SLC2A13: variants seen among roughly 807,000 people sequenced by gnomAD.
SLC2A13 encodes the protein solute carrier family 2 member 13.
SLC2A13 carries 32 observed loss-of-function variants against 64.4 expected under a neutral mutation model. The observed-to-expected ratio is 0.50, with a 90% CI of 0.37 to 0.67. The LOEUF is 0.67. Ranked by LOEUF, SLC2A13 falls within the 30% of genes least tolerant of loss-of-function variation. The pLI is 0.00. For synonymous variants in SLC2A13, 338 were observed against 327.1 expected (o/e 1.03, Z -0.36); for missense variants, 743 against 829.2 (o/e 0.90, Z 1.28).
chr12:39,959,530 G>C (rs1044884476), intron 3 of SLC2A13, among the ~76,000 whole-genome samples: 3 of 152,162 alleles, frequency 2.0e-5, no homozygotes, highest in Non-Finnish European at 4.4e-5. Context: ...GATGATTATA[G>C]GTCTTAATAC....
At chr12:39,841,170 T>C (rs1273129475) in intron 6 of SLC2A13, among the ~76,000 whole-genome samples, 2 of 152,154 alleles carry the variant, frequency 1.3e-5, no homozygotes, top group Non-Finnish European at 2.9e-5. Flanking sequence ...TGAGGTCTAC[T>C]GTTTAAAAGC....
intron 4 of SLC2A13, 91 bp downstream of exon 4, chr12:39,951,166 G>C (rs1488259614): frequency 3.6e-6 from 4 of 1,102,266 alleles, no homozygotes; most frequent in East Asian, 2.5e-5. Context: ...AAATCACTGA[G>C]TCTAGTATTT....
At chr12:39,786,854 G>A (rs2135753998) in intron 7 of SLC2A13, among the ~76,000 whole-genome samples, 1 of 152,278 alleles carries the variant, frequency 6.6e-6, no homozygotes, top group East Asian at 1.9e-4. Context: ...ATGGAATTGA[G>A]ATTTTAGTAA....
At chr12:39,951,617 G>C (rs1645954818) in intron 3 of SLC2A13, among the ~76,000 whole-genome samples, 1 of 152,032 alleles carries the variant, frequency 6.6e-6, no homozygotes, top group African/African-American at 2.4e-5. Context: ...GCAATTTATG[G>C]GTACTAGAAG....
intron 6 of SLC2A13, among the ~76,000 whole-genome samples, chr12:39,853,034 A>G (rs994789955): frequency 3.9e-5 from 6 of 152,072 alleles, no homozygotes; most frequent in African/African-American, 7.2e-5. Flanking sequence ...TGTTTCAGTA[A>G]ATCTGTGCTT....
chr12:39,809,429 T>C (rs1198502629), intron 7 of SLC2A13, among the ~76,000 whole-genome samples: 2 of 152,216 alleles, frequency 1.3e-5, no homozygotes, highest in Non-Finnish European at 2.9e-5. Flanking sequence ...TCATTTTTTA[T>C]AGAACTGTTT....
intron 7 of SLC2A13, among the ~76,000 whole-genome samples, chr12:39,804,541 G>A (rs899515675): frequency 2.0e-5 from 3 of 152,018 alleles, no homozygotes; most frequent in Non-Finnish European, 4.4e-5. Flanking sequence ...TGATTTCTTA[G>A]CTTGTAGCTT....
chr12:39,798,426 G>A (rs1438006864), intron 7 of SLC2A13, among the ~76,000 whole-genome samples: 2 of 152,184 alleles, frequency 1.3e-5, no homozygotes, highest in Non-Finnish European at 1.5e-5. Flanking sequence ...ATTAAATGAA[G>A]ATCAATTAAC....
At chr12:40,075,559 AAT>A (rs1369244139) in intron 1 of SLC2A13, among the ~76,000 whole-genome samples, 2 of 152,130 alleles carry the variant, frequency 1.3e-5, no homozygotes, top group African/African-American at 4.8e-5. Context: ...ATTTGATTAT[AAT>A]ATTATCTGGG....
intron 4 of SLC2A13, among the ~76,000 whole-genome samples, chr12:39,905,169 A>C (rs1481159004): frequency 6.6e-6 from 1 of 152,178 alleles, no homozygotes; most frequent in East Asian, 1.9e-4. Flanking sequence ...ACAACTAAGA[A>C]AAATGCTTTG....
At chr12:40,080,166 T>C (rs1299598070) in intron 1 of SLC2A13, among the ~76,000 whole-genome samples, 1 of 148,914 alleles carries the variant, frequency 6.7e-6, no homozygotes, top group Non-Finnish European at 1.5e-5. Flanking sequence ...CTGGGTTCTT[T>C]GTCCTTTTTG....
chr12:39,881,157 G>A (rs1403527414), intron 4 of SLC2A13, among the ~76,000 whole-genome samples: 1 of 152,162 alleles, frequency 6.6e-6, no homozygotes, highest in East Asian at 1.9e-4. Flanking sequence ...GCCAATAAAG[G>A]TTGAGTTATT....
intron 6 of SLC2A13, among the ~76,000 whole-genome samples, chr12:39,863,039 T>A (rs1018777354): frequency 6.6e-6 from 1 of 152,182 alleles, no homozygotes; most frequent in Non-Finnish European, 1.5e-5. Context: ...CAAAGCCTAA[T>A]ATGTTACTCA....
intron 1 of SLC2A13, among the ~76,000 whole-genome samples, chr12:40,076,031 T>C (rs1016669148): frequency 1.3e-5 from 2 of 152,218 alleles, no homozygotes; most frequent in Non-Finnish European, 2.9e-5. Flanking sequence ...GTGTGATAAA[T>C]CCACCATCTG....
chr12:39,985,854 T>C (rs1335509986), intron 3 of SLC2A13, among the ~76,000 whole-genome samples: 1 of 152,130 alleles, frequency 6.6e-6, no homozygotes, highest in Non-Finnish European at 1.5e-5. Context: ...TAAGTCATGA[T>C]ACGAAAAATG....
chr12:40,043,035 T>G (rs1259328737), intron 2 of SLC2A13, among the ~76,000 whole-genome samples: 1 of 148,670 alleles, frequency 6.7e-6, no homozygotes, highest in Non-Finnish European at 1.5e-5. Context: ...TTATACAAAG[T>G]GGAGTCGGGG....
intron 4 of SLC2A13, among the ~76,000 whole-genome samples, chr12:39,900,676 A>G (rs1945072049): frequency 6.6e-6 from 1 of 152,198 alleles, no homozygotes; most frequent in South Asian, 2.1e-4. Context: ...CCACTGCTCA[A>G]TGAAATAAAA....
chr12:40,031,380 G>A (rs973777959), intron 2 of SLC2A13, among the ~76,000 whole-genome samples: 9 of 152,088 alleles, frequency 5.9e-5, no homozygotes, highest in African/African-American at 1.9e-4. Context: ...GTGCCACCAC[G>A]CCTGGCTAAT....
intron 1 of SLC2A13, among the ~76,000 whole-genome samples, chr12:40,081,557 C>T (rs1938402786): frequency 6.6e-6 from 1 of 152,146 alleles, no homozygotes; most frequent in Non-Finnish European, 1.5e-5. Flanking sequence ...CTTAAAATGG[C>T]TATTTCATCT....
Sources: allele counts gnomAD v4.1 joint callset (sites outside exome capture counted in the v4.1 genomes callset), GRCh38; gene constraint gnomAD v4.1.1; transcripts MANE v1.5; gene names NCBI Gene and HGNC (gene_info 2026-07-23, HGNC 2026-07-21).